Variants in ZNF407 observed in about 807,000 individuals in gnomAD.
ZNF407 encodes zinc finger protein 407.
In ZNF407, 17 loss-of-function variants were observed where a neutral mutation model predicts 131.2. The observed-to-expected ratio is 0.13, with a 90% CI of 0.09 to 0.19. The LOEUF is 0.19. ZNF407 is among the 10% of genes least tolerant of loss of function. The probability of loss-of-function intolerance (pLI) is 1.00; values close to 1 mark genes in which losing one functional copy is unlikely to be tolerated. For synonymous variants in ZNF407, 1,156 were observed against 1,062.0 expected (o/e 1.09, Z -1.72); for missense variants, 2,681 against 2,830.6 (o/e 0.95, Z 1.20).
intron 3 of ZNF407, among the ~76,000 whole-genome samples, chr18:74,763,737 T>C (rs1969157283): frequency 7.5e-6 from 1 of 132,832 alleles, no homozygotes; most frequent in African/African-American, 2.9e-5. Context: ...TGAGACGGAG[T>C]CTCGCTCTGT....
chr18:74,691,140 G>A (rs1328395323), intron 3 of ZNF407, among the ~76,000 whole-genome samples: 2 of 151,994 alleles, frequency 1.3e-5, no homozygotes, highest in Non-Finnish European at 1.5e-5. Context: ...TTAGCTGGGC[G>A]TGGTGGTGTC....
chr18:74,938,291 G>A (rs181161365), intron 8 of ZNF407, among the ~76,000 whole-genome samples: 21 of 152,244 alleles, frequency 1.4e-4, no homozygotes, highest in Admixed American at 7.2e-4. Context: ...ATTTAGGGCC[G>A]TTATAGTAAC....
intron 3 of ZNF407, among the ~76,000 whole-genome samples, chr18:74,706,573 C>T (rs1967628562): frequency 6.6e-6 from 1 of 152,100 alleles, no homozygotes; most frequent in Non-Finnish European, 1.5e-5. Context: ...ACAGCACTGA[C>T]CAAGTCTCCA....
At chr18:74,789,167 C>T (rs1969777667) in intron 4 of ZNF407, among the ~76,000 whole-genome samples, 1 of 152,116 alleles carries the variant, frequency 6.6e-6, no homozygotes, top group South Asian at 2.1e-4. Flanking sequence ...ATTGAGGATG[C>T]TATTCCAGGG....
At chr18:74,772,718 A>T (rs749400826) in intron 3 of ZNF407, among the ~76,000 whole-genome samples, 3 of 152,150 alleles carry the variant, frequency 2.0e-5, no homozygotes, top group Non-Finnish European at 4.4e-5. Flanking sequence ...TATCCAGTTC[A>T]GAAGGGAATT....
intron 8 of ZNF407, chr18:75,060,134 T>C (rs961448571): frequency 6.6e-6 from 1 of 152,268 alleles, no homozygotes; most frequent in Non-Finnish European, 1.5e-5. Flanking sequence ...GTTCCGGAAG[T>C]GCCTGCTACC....
At chr18:74,806,413 G>C (rs1970110174) in intron 4 of ZNF407, among the ~76,000 whole-genome samples, 1 of 152,200 alleles carries the variant, frequency 6.6e-6, no homozygotes, top group South Asian at 2.1e-4. Flanking sequence ...GCCAATGGGG[G>C]GTTGTAGGAG....
intron 8 of ZNF407, among the ~76,000 whole-genome samples, chr18:75,028,722 C>T (rs1050665276): frequency 3.3e-5 from 5 of 152,174 alleles, no homozygotes; most frequent in Admixed American, 1.3e-4. Flanking sequence ...CCTACAGGAA[C>T]AATGCGAGAA....
chr18:74,755,445 G>A (rs1041985879), intron 3 of ZNF407, among the ~76,000 whole-genome samples: 2 of 152,114 alleles, frequency 1.3e-5, no homozygotes, highest in East Asian at 1.9e-4. Flanking sequence ...AGCATCGATT[G>A]TCTTGGCATT....
At chr18:74,841,147 A>AT (rs1412925972) in intron 4 of ZNF407, among the ~76,000 whole-genome samples, 1 of 152,016 alleles carries the variant, frequency 6.6e-6, no homozygotes, top group East Asian at 1.9e-4. Flanking sequence ...GCTTTGCCAG[A>AT]TTTTCTCATG....
chr18:74,863,505 G>A (rs1234063073), intron 4 of ZNF407, among the ~76,000 whole-genome samples: 1 of 151,782 alleles, frequency 6.6e-6, no homozygotes, highest in Non-Finnish European at 1.5e-5. Context: ...AGCATCATGT[G>A]AATTCCAGTG....
chr18:74,601,305 TTGTGTG>T (rs748852719), intron 1 of ZNF407, among the ~76,000 whole-genome samples: 3 of 141,168 alleles, frequency 2.1e-5, no homozygotes, highest in African/African-American at 8.0e-5. Flanking sequence ...CTTCAGTTAG[TTGTGTG>T]TGTGTGTGTG....
intron 8 of ZNF407, among the ~76,000 whole-genome samples, chr18:74,922,973 G>A (rs1286231054): frequency 6.6e-6 from 1 of 152,288 alleles, no homozygotes; most frequent in East Asian, 1.9e-4. Flanking sequence ...GAATGTGTGT[G>A]CCATCTAAAT....
chr18:74,841,643 A>T (rs1398866331), intron 4 of ZNF407, among the ~76,000 whole-genome samples: 1 of 152,218 alleles, frequency 6.6e-6, no homozygotes, highest in African/African-American at 2.4e-5. Context: ...GTTGCTAATG[A>T]TGTTAATTGT....
chr18:74,847,871 T>C (rs1970723926), intron 4 of ZNF407, among the ~76,000 whole-genome samples: 1 of 151,456 alleles, frequency 6.6e-6, no homozygotes, highest in Admixed American at 6.6e-5. Flanking sequence ...AAAAACACGC[T>C]ACCCAGCACA....
intron 8 of ZNF407, among the ~76,000 whole-genome samples, chr18:74,994,726 C>CTTTT (rs1972759546): frequency 6.6e-6 from 1 of 152,104 alleles, no homozygotes; most frequent in African/African-American, 2.4e-5. Flanking sequence ...ATGCAAAAGA[C>CTTTT]GGCAGCGGCA....
intron 8 of ZNF407, among the ~76,000 whole-genome samples, chr18:75,001,352 T>C (rs1972843537): frequency 6.6e-6 from 1 of 152,192 alleles, no homozygotes; most frequent in South Asian, 2.1e-4. Flanking sequence ...AACCTTAAGG[T>C]TTTATTTTGA....
At position 74,915,554 on chromosome 18, in the gene ZNF407, AGT is replaced by A. The variant is rs769423259; in HGVS notation, c.5250-4948_5250-4947del. Among the ~76,000 whole-genome samples the A allele has an allele frequency of 1.9e-4, 10 of 53,116 alleles. No homozygotes were observed. The East Asian group carries it at 4.1e-3, about 22-fold the overall frequency. 34.8% of individuals were successfully genotyped at this position (53,116 alleles called of 152,430 possible). On this transcript the variant is annotated intron_variant, in intron 7 of 8. Coordinates refer to ENST00000299687, the MANE Select transcript of ZNF407 (RefSeq NM_017757.3). Reference sequence around the variant, plus strand: ...GTGTGCAGCATTGGTTCGAATCGGGAGTGTGTGTGTGTGCATGCATGTGTGTG... The same window carrying A: ...GTGTGCAGCATTGGTTCGAATCGGGAGTGTGTGTGTGCATGCATGTGTGTG...
rs373418728 is a variant in ZNF407, at chr18:74,927,158, T to C, written c.5428+6466T>C. Among the ~76,000 whole-genome samples the C allele has an allele frequency of 7.2e-5, 11 of 152,136 alleles. 1 individual carries two copies. The East Asian group carries it at 7.7e-4, about 11-fold the overall frequency. ...ACCATTGAATCTTCAAAACAAATCTTGTTGATACATGTTATTCTCAATTTA... is the reference window on the plus strand; with the variant it reads ...ACCATTGAATCTTCAAAACAAATCTCGTTGATACATGTTATTCTCAATTTA... On this transcript the variant is annotated intron_variant, in intron 8 of 8. Transcript: ENST00000299687.
Sources: gnomAD v4.1 joint callset for allele counts (sites outside exome capture counted in the v4.1 genomes callset) on GRCh38, gnomAD v4.1.1 for gene constraint, MANE v1.5 for transcripts, NCBI Gene and HGNC (gene_info 2026-07-23, HGNC 2026-07-21) for gene names.